AKAP9: variants seen among roughly 807,000 people sequenced by gnomAD.
AKAP9 encodes the protein A-kinase anchor protein 9.
AKAP9 carries 311 observed loss-of-function variants against 488.5 expected under a neutral mutation model. That is an observed-to-expected ratio of 0.64 (90% CI 0.58 to 0.70). The LOEUF (loss-of-function observed/expected upper bound fraction) is 0.70, where lower values mean the gene tolerates loss of function less well. AKAP9 is among the 30% of genes least tolerant of loss of function. AKAP9 has a pLI of 0.00. For synonymous variants in AKAP9, 1,462 were observed against 1,483.5 expected (o/e 0.99, Z 0.33); for missense variants, 4,215 against 4,374.5 (o/e 0.96, Z 1.03).
chr7:92,019,735 T>C (rs959593195), intron 12 of AKAP9, among the ~76,000 whole-genome samples: 1 of 151,830 alleles, frequency 6.6e-6, no homozygotes, highest in Non-Finnish European at 1.5e-5. Flanking sequence ...AGGCCGGGCA[T>C]GGTGGCTCAT....
chr7:91,986,059 G>A (rs1161002990), intron 3 of AKAP9, among the ~76,000 whole-genome samples: 1 of 152,050 alleles, frequency 6.6e-6, no homozygotes, highest in African/African-American at 2.4e-5. Flanking sequence ...ACTTTTTTTG[G>A]TTGGTGGTCT....
At chr7:92,084,590 T>C in intron 33 of AKAP9, 50 bp from the exon 34 acceptor site, 1 of 1,381,032 alleles carries the variant, frequency 7.2e-7, no homozygotes, top group Non-Finnish European at 1.0e-6. Flanking sequence ...CATTGTATTC[T>C]ATTTTTATTA....
chr7:91,949,986 C>T (rs1369367791), intron 1 of AKAP9, among the ~76,000 whole-genome samples: 1 of 151,942 alleles, frequency 6.6e-6, no homozygotes, highest in African/African-American at 2.4e-5. Context: ...TTTCTTAAAG[C>T]CCCCAAGATT....
chr7:91,943,131 C>T (rs954190114), intron 1 of AKAP9, among the ~76,000 whole-genome samples: 1 of 151,666 alleles, frequency 6.6e-6, no homozygotes, highest in African/African-American at 2.4e-5. Flanking sequence ...CCCAGGAGTT[C>T]GAGGCTGCAG....
chr7:92,056,062 T>C (rs567289368), intron 22 of AKAP9, among the ~76,000 whole-genome samples: 2 of 124,752 alleles, frequency 1.6e-5, no homozygotes, highest in African/African-American at 3.3e-5. Flanking sequence ...GTCATCTTTC[T>C]GAACATGAAT....
chr7:92,008,291 C>G (rs982388272), intron 8 of AKAP9, among the ~76,000 whole-genome samples: 1 of 151,938 alleles, frequency 6.6e-6, no homozygotes, highest in African/African-American at 2.4e-5. Flanking sequence ...TGATTGAACC[C>G]GGGAGGCAGA....
chr7:92,084,114 A>G (rs1361201396), intron 33 of AKAP9, among the ~76,000 whole-genome samples: 1 of 152,158 alleles, frequency 6.6e-6, no homozygotes, highest in East Asian at 1.9e-4. Context: ...GCTGAGAATG[A>G]TGGTTTCCAG....
In AKAP9 at chr7:92,002,499, A is replaced by C. The variant is rs752551147; in HGVS notation, c.2582A>C (p.Tyr861Ser). ...SFAEKNFEVNYQELQEEYACL... is the reference protein window; with the variant it reads ...SFAEKNFEVNSQELQEEYACL... ...GCTGAAAAAAACTTTGAAGTTAACTATCAAGAGTTACAAGAGGAGTATGCT... is the reference window on the plus strand; with the variant it reads ...GCTGAAAAAAACTTTGAAGTTAACTCTCAAGAGTTACAAGAGGAGTATGCT... The change falls in exon 8 of 50, where the codon TAT becomes TCT. Residue 861 changes from tyrosine to serine, a missense_variant. Physicochemically the swap from Tyr to Ser is moderately radical, Grantham distance 144. Transcript: ENST00000356239. 2.5e-6 allele frequency: 4 copies of C among 1,611,082 alleles called. No individual in the cohort carries two copies. The highest frequency in any genetic ancestry group is 1.3e-5 in the African/African-American group (1 of 74,834).
intron 3 of AKAP9, among the ~76,000 whole-genome samples, chr7:91,991,274 A>G (rs1448104312): frequency 6.6e-6 from 1 of 151,178 alleles, no homozygotes; most frequent in Non-Finnish European, 1.5e-5. Context: ...TTTGAAAGTT[A>G]TTGCAAATGT....
intron 22 of AKAP9, among the ~76,000 whole-genome samples, chr7:92,059,060 G>C (rs1004428382): frequency 1.3e-5 from 2 of 151,808 alleles, no homozygotes; most frequent in African/African-American, 4.8e-5. Context: ...GTTATTCAGC[G>C]CTTTTTATGA....
chr7:91,981,498 C>T (rs1478219549), intron 3 of AKAP9, among the ~76,000 whole-genome samples: 1 of 151,816 alleles, frequency 6.6e-6, no homozygotes, highest in East Asian at 1.9e-4. Flanking sequence ...TTTTAGTATC[C>T]TTAGGGGAGT....
chr7:92,063,449 T>C (rs1318089521), intron 24 of AKAP9: 2 of 965,590 alleles, frequency 2.1e-6, no homozygotes, highest in Non-Finnish European at 2.5e-6. Context: ...TTTTTTTTTC[T>C]CTATTTTCCT....
chr7:92,031,766 A>G (rs1181509894), intron 16 of AKAP9, among the ~76,000 whole-genome samples, 162 bp downstream of exon 16: 1 of 152,212 alleles, frequency 6.6e-6, no homozygotes, highest in Non-Finnish European at 1.5e-5. Flanking sequence ...TAAACAAAAT[A>G]TCTTGTGAAT....
intron 46 of AKAP9, among the ~76,000 whole-genome samples, chr7:92,104,891 A>G (rs563760502): frequency 6.6e-6 from 1 of 152,310 alleles, no homozygotes; most frequent in East Asian, 1.9e-4. Context: ...GAAGACTAAT[A>G]TGCACAGAAC....
chr7:92,076,099 A>G (rs1341811315), intron 28 of AKAP9, among the ~76,000 whole-genome samples: 2 of 152,226 alleles, frequency 1.3e-5, no homozygotes, highest in Non-Finnish European at 2.9e-5. Context: ...CAAACCAGTG[A>G]GCTAAATGAA....
chr7:91,954,515 A>G (rs912295820), intron 1 of AKAP9, among the ~76,000 whole-genome samples: 1 of 151,942 alleles, frequency 6.6e-6, no homozygotes, highest in South Asian at 2.1e-4. Context: ...TGATCCTCCC[A>G]CCTCAGCCTC....
intron 43 of AKAP9, among the ~76,000 whole-genome samples, chr7:92,098,466 C>G (rs1484160711): frequency 1.3e-5 from 2 of 152,154 alleles, no homozygotes; most frequent in African/African-American, 4.8e-5. Flanking sequence ...AGACAAGCTT[C>G]CTGAAAGAGT....
In AKAP9 at chr7:92,084,842, G is replaced by A. The variant is rs1219692531; in HGVS notation, c.8734G>A (p.Gly2912Arg). 4 of 1,613,312 alleles carry A rather than the reference G, an allele frequency of 2.5e-6. No individual in the cohort carries two copies. Among genetic ancestry groups the A allele is most frequent in the African/African-American group, 2.7e-5 (2 of 74,798 alleles). Residue 2912 changes from glycine (G) to arginine (R), a missense_variant, in exon 35 of 50, where the codon GGA (glycine) becomes AGA (arginine). Transcript: ENST00000356239. ...AGATTCTGGATCAGACTGGGGTCAG[G>A]GAATTTATCTTACACACAGTCAGGG... is the stretch of plus-strand genomic sequence containing the variant. The part of the protein sequence containing the change: ...SSDSGSDWGQ[G>R]IYLTHSQGFD...
chr7:92,011,842 G>A (rs537152866), intron 8 of AKAP9, among the ~76,000 whole-genome samples: 22 of 152,280 alleles, frequency 1.4e-4, no homozygotes, highest in East Asian at 1.9e-4. Flanking sequence ...GGCAGGGTGC[G>A]GTGGCTCATA....
Sources: allele counts gnomAD v4.1 joint callset (sites outside exome capture counted in the v4.1 genomes callset), GRCh38; gene constraint gnomAD v4.1.1; transcripts MANE v1.5; gene names NCBI Gene and HGNC (gene_info 2026-07-23, HGNC 2026-07-21).